PRPF6: variants seen among roughly 807,000 people sequenced by gnomAD.
The protein encoded by PRPF6 is pre-mRNA processing factor 6.
PRPF6 carries 42 observed loss-of-function variants against 118.3 expected under a neutral mutation model. The observed-to-expected ratio is 0.35, with a 90% CI of 0.28 to 0.46. The LOEUF is 0.46. Among genes scored for constraint, PRPF6 ranks in the 20% least tolerant of loss-of-function variants. PRPF6 has a pLI of 1.00. For missense variants in PRPF6, 662 were observed against 1,255.7 expected, an observed-to-expected ratio of 0.53 and a Z score of 7.15; for synonymous variants, 481 against 485.1, an observed-to-expected ratio of 0.99 and a Z score of 0.11.
In PRPF6 at chr20:63,983,071, A is replaced by T; in HGVS notation, c.96A>T (p.Ser32=). ...GCGCCACTGGCTTCACCACGCGGTC[A>T]GACATTGGGCCCGCCCGTGATGCAA... The part of the protein sequence containing the change: ...GRGATGFTTR[S]DIGPARDAND... Residue 32 remains serine (S), a synonymous_variant, in exon 2 of 21, where the codon TCA becomes TCT. Coordinates refer to ENST00000266079, the MANE Select transcript of PRPF6 (RefSeq NM_012469.4). 6.2e-7 allele frequency: 1 copy of T among 1,614,236 alleles called. No individual in the cohort carries two copies. The highest frequency in any genetic ancestry group is 1.6e-4 in the Middle Eastern group (1 of 6,062).
At chr20:63,985,723 G>A (rs546127226) in intron 3 of PRPF6, among the ~76,000 whole-genome samples, 25 of 152,162 alleles carry the variant, frequency 1.6e-4, no homozygotes, top group Admixed American at 4.6e-4. Flanking sequence ...TCCCAAACCT[G>A]AACAGACCAA....
Position 64,027,695 on chromosome 20 carries a change from G to A in PRPF6, c.2298G>A (p.Leu766=). 1 of 1,614,048 alleles carries A rather than the reference G, an allele frequency of 6.2e-7. No homozygotes were observed. The highest frequency in any genetic ancestry group is 8.5e-7 in the Non-Finnish European group (1 of 1,180,004). ...AGCTTACTCGAGCACGGGCCATTTT[G>A]GAAAAGTCTCGTCTGAAGAACCCAA... ...IGQLTRARAI[L]EKSRLKNPKN... is the part of the protein sequence containing the mutation. Residue 766 remains leucine (L), a synonymous_variant, in exon 17 of 21, where the codon TTG becomes TTA. Coordinates refer to ENST00000266079, the MANE Select transcript of PRPF6 (RefSeq NM_012469.4). The surrounding 1 kb of genome is among the most constrained non-coding windows in gnomAD (Gnocchi z 6.5).
intron 4 of PRPF6, 30 bp downstream of exon 4, chr20:63,993,515 G>A (rs765414174): frequency 2.4e-5 from 38 of 1,565,484 alleles, no homozygotes; most frequent in Non-Finnish European, 3.0e-5. Flanking sequence ...AATGGTGTGC[G>A]GTTTCTAACG....
At position 63,986,345 on chromosome 20, in the gene PRPF6, C is replaced by CAAA. The variant is rs931360870; in HGVS notation, c.359+1337_359+1339dup. Among the ~76,000 whole-genome samples the CAAA allele has an allele frequency of 8.1e-3, 368 of 45,344 alleles. 8 individuals carry two copies. Among genetic ancestry groups the CAAA allele is most frequent in the African/African-American group, 0.026 (344 of 13,094 alleles). 29.7% of individuals were successfully genotyped at this position (45,344 alleles called of 152,430 possible). ...GGGAGACAAGAGCAAGACTCCATCT[C>CAAA]AAAAAAAAAAAAAAAAAAAGATCGT... is the stretch of plus-strand genomic sequence containing the variant. On this transcript the variant is annotated intron_variant, in intron 3 of 20. Coordinates refer to ENST00000266079, the MANE Select transcript of PRPF6 (RefSeq NM_012469.4).
At chr20:64,018,475 G>A (rs1001869091) in intron 12 of PRPF6, among the ~76,000 whole-genome samples, 1 of 152,154 alleles carries the variant, frequency 6.6e-6, no homozygotes, top group Admixed American at 6.5e-5. Flanking sequence ...GTCTGGTGCG[G>A]GCAGTGGCCG....
chr20:64,002,719 C>T (rs1249880554), intron 9 of PRPF6, among the ~76,000 whole-genome samples: 1 of 151,148 alleles, frequency 6.6e-6, no homozygotes, highest in Non-Finnish European at 1.5e-5. Flanking sequence ...TCTTGGCTCA[C>T]TGCAACCTCC....
At chr20:64,025,226 A>C (rs1486523797) in intron 14 of PRPF6, among the ~76,000 whole-genome samples, 1 of 152,146 alleles carries the variant, frequency 6.6e-6, no homozygotes, top group Non-Finnish European at 1.5e-5. Context: ...GCCTGGGTTT[A>C]ACCTTTCGCT....
intron 6 of PRPF6, among the ~76,000 whole-genome samples, chr20:63,998,635 A>G (rs1467818871): frequency 6.7e-6 from 1 of 148,474 alleles, no homozygotes; most frequent in Non-Finnish European, 1.5e-5. Context: ...AGGTCAGGAG[A>G]TCGAGACCAT....
chr20:64,016,467 T>G (rs539841884), intron 11 of PRPF6, among the ~76,000 whole-genome samples: 10 of 152,314 alleles, frequency 6.6e-5, no homozygotes, highest in African/African-American at 2.4e-4. Context: ...GGCTTTACAT[T>G]TCTTTTCACA....
At position 63,988,910 on chromosome 20, in the gene PRPF6, C is replaced by T. The variant is rs79981115; in HGVS notation, c.359+3885C>T. ...AAAGAAAAAATAATTCTAAAATGTA[C>T]ATGGAGCCAAAAAAGACCCAGAATA... On this transcript the variant is annotated intron_variant, in intron 3 of 20. Transcript: ENST00000266079. Among the ~76,000 whole-genome samples, 4 of 151,462 alleles carry T rather than the reference C, an allele frequency of 2.6e-5. No individual in the cohort carries two copies. In the East Asian group the frequency reaches 5.8e-4, roughly 22 times the overall value.
In PRPF6 at chr20:63,995,353, T is replaced by TCCAGGTGGACTAAACACTCCATAC. The variant is rs773704102; in HGVS notation, c.652_675dup (p.Leu218_Gly225dup). On this transcript the variant is annotated inframe_insertion, in exon 6 of 21. Coordinates refer to ENST00000266079, the MANE Select transcript of PRPF6 (RefSeq NM_012469.4). ...AATTTGGAGGTCTTAACACACCCTA[T>TCCAGGTGGACTAAACACTCCATAC]CCAGGTGGACTAAACACTCCATACC... The TCCAGGTGGACTAAACACTCCATAC allele has an allele frequency of 6.2e-7, 1 of 1,613,546 alleles. No homozygotes were observed. Among genetic ancestry groups the TCCAGGTGGACTAAACACTCCATAC allele is most frequent in the Non-Finnish European group, 8.5e-7 (1 of 1,179,778 alleles).
intron 8 of PRPF6, among the ~76,000 whole-genome samples, 195 bp downstream of exon 8, chr20:63,999,954 A>AAT (rs2059159115): frequency 9.7e-6 from 1 of 103,142 alleles, no homozygotes; most frequent in African/African-American, 3.9e-5. Flanking sequence ...CTAATCCACC[A>AAT]CTTTTTTTTT....
chr20:63,983,940 A>C (rs1355629868), intron 2 of PRPF6, among the ~76,000 whole-genome samples: 1 of 152,174 alleles, frequency 6.6e-6, no homozygotes, highest in Non-Finnish European at 1.5e-5. Context: ...GGCGTGAGCC[A>C]CTGCGCCTGG....
rs778971949 is a variant in PRPF6 at position 64,026,221 on chromosome 20, TGGTGGCCGGGCGC to T, written c.2028+170_2028+182del. ...ACTAAAACATTCATGTGGCCGGGCG[TGGTGGCCGGGCGC>T]GGTGGCTCACGCCTGTAATCTCAGC... On this transcript the variant is annotated intron_variant, in intron 15 of 20. Transcript: ENST00000266079. The surrounding 1 kb of genome is among the most constrained non-coding windows in gnomAD (Gnocchi z 4.4). Among the ~76,000 whole-genome samples the T allele has an allele frequency of 4.5e-4, 68 of 152,098 alleles. No homozygotes were observed. Among genetic ancestry groups the T allele is most frequent in the Non-Finnish European group, 7.5e-4 (51 of 68,014 alleles).
At chr20:64,017,274 G>A (rs1196470483) in intron 12 of PRPF6, among the ~76,000 whole-genome samples, 1 of 143,516 alleles carries the variant, frequency 7.0e-6, no homozygotes, top group African/African-American at 2.7e-5. Flanking sequence ...GGCGTGAGCC[G>A]CCATGCCTGG....
chr20:64,023,413 T>C (rs1208232654), intron 13 of PRPF6, among the ~76,000 whole-genome samples: 1 of 152,252 alleles, frequency 6.6e-6, no homozygotes, highest in Non-Finnish European at 1.5e-5. Context: ...GTTTATTGTT[T>C]TAAATGGATA....
At chr20:63,992,090 TTTTTG>T (rs555691385) in intron 3 of PRPF6, among the ~76,000 whole-genome samples, 178 of 152,042 alleles carry the variant, frequency 1.2e-3, no homozygotes, top group African/African-American at 3.0e-3. Flanking sequence ...TGTAGGTGTT[TTTTTG>T]TTTTGTTTTG....
chr20:64,008,332 G>T (rs978869186), intron 9 of PRPF6, among the ~76,000 whole-genome samples: 2 of 152,138 alleles, frequency 1.3e-5, no homozygotes, highest in Non-Finnish European at 2.9e-5. Flanking sequence ...ATTGTTTCAT[G>T]TGGGTCTCGT....
intron 9 of PRPF6, among the ~76,000 whole-genome samples, chr20:64,003,719 C>A (rs1469431105): frequency 6.6e-6 from 1 of 152,228 alleles, no homozygotes; most frequent in Non-Finnish European, 1.5e-5. Flanking sequence ...CCTCAGCCCC[C>A]CAAGTAGCTG....
Sources: allele counts gnomAD v4.1 joint callset (sites outside exome capture counted in the v4.1 genomes callset), GRCh38; gene constraint gnomAD v4.1.1; non-coding constraint Gnocchi (gnomAD v3.1); transcripts MANE v1.5; gene names NCBI Gene and HGNC (gene_info 2026-07-23, HGNC 2026-07-21).